Variants in KIF5B observed in about 807,000 individuals in gnomAD.
KIF5B encodes the protein kinesin-1 heavy chain.
In KIF5B, 49 loss-of-function variants were observed where a neutral mutation model predicts 132.8. That is an observed-to-expected ratio of 0.37 (90% CI 0.29 to 0.47). The LOEUF (loss-of-function observed/expected upper bound fraction) is 0.47. Ranked by LOEUF, KIF5B falls within the 20% of genes least tolerant of loss-of-function variation. KIF5B has a pLI of 1.00. For missense variants in KIF5B, 780 were observed against 1,144.0 expected (o/e 0.68, Z 4.59); for synonymous variants, 355 against 369.4 (o/e 0.96, Z 0.45).
At chr10:32,035,849 C>A in intron 9 of KIF5B, 41 bp downstream of exon 9, 1 of 1,473,698 alleles carries the variant, frequency 6.8e-7, no homozygotes, top group Non-Finnish European at 9.4e-7. Context: ...TTAAATAATG[C>A]CCCATAAGGT....
At chr10:32,032,959 T>C (rs1458847788) in intron 12 of KIF5B, among the ~76,000 whole-genome samples, 185 bp from the exon 13 acceptor site, 2 of 152,232 alleles carry the variant, frequency 1.3e-5, no homozygotes, top group Non-Finnish European at 2.9e-5. Context: ...CAATTATCAA[T>C]ACTTATAATG....
chr10:32,041,489 TAC>T lies in KIF5B; in HGVS notation c.215-1034_215-1033del, dbSNP rs145643541. ...AAAAAAAATCCTCTGCCAATTTACA[TAC>T]AGATGAGATTTTAGAAACAAGACTA... On this transcript the variant is annotated intron_variant, in intron 2 of 25. Coordinates refer to ENST00000302418, the MANE Select transcript of KIF5B (RefSeq NM_004521.3). Among the ~76,000 whole-genome samples the T allele has an allele frequency of 2.8e-3, 430 of 152,312 alleles. 4 individuals are homozygous for T. The highest frequency in any genetic ancestry group is 9.7e-3 in the African/African-American group (404 of 41,574).
intron 24 of KIF5B, among the ~76,000 whole-genome samples, chr10:32,016,851 T>TA (rs1841177038): frequency 6.6e-6 from 1 of 152,232 alleles, no homozygotes; most frequent in South Asian, 2.1e-4. Context: ...TGATTATTCT[T>TA]AAACGTTAAA....
chr10:32,016,144 T>C (rs1592436891), intron 24 of KIF5B, among the ~76,000 whole-genome samples: 1 of 151,716 alleles, frequency 6.6e-6, no homozygotes, highest in African/African-American at 2.4e-5. Context: ...CCCTGTGTCA[T>C]AAAAAACAAG....
At chr10:32,015,774 C>A in intron 24 of KIF5B, 115 bp from the exon 25 acceptor site, 1 of 830,582 alleles carries the variant, frequency 1.2e-6, no homozygotes, top group East Asian at 2.9e-5. Context: ...TTTTTCTTTG[C>A]CTTTTTGTTT....
rs369671066 is a variant in KIF5B, at chr10:32,022,121, A to C, written c.2032+19T>G. ...AAATAAGAACACAGATGTAACTCAT[A>C]AACAGTTGGAAGCTATACCTTGTGC... On this transcript the variant is annotated intron_variant, in intron 17 of 25. Coordinates refer to ENST00000302418, the MANE Select transcript of KIF5B (RefSeq NM_004521.3). 5.7e-6 allele frequency: 7 copies of C among 1,226,582 alleles called. No individual in the cohort carries two copies. Among genetic ancestry groups the C allele is most frequent in the African/African-American group, 4.5e-5 (3 of 66,126 alleles). 76.0% of individuals were successfully genotyped at this position (1,226,582 alleles called of 1,614,324 possible).
chr10:32,022,357 G>T, intron 16 of KIF5B, 100 bp from the exon 17 acceptor site: 3 of 625,098 alleles, frequency 4.8e-6, no homozygotes, highest in South Asian at 2.4e-5. Context: ...GATAAATTTG[G>T]GAATATTTAA....
At chr10:32,039,048 TTAGAA>T (rs1358141633) in intron 4 of KIF5B, among the ~76,000 whole-genome samples, 1 of 152,184 alleles carries the variant, frequency 6.6e-6, no homozygotes, top group African/African-American at 2.4e-5. Context: ...CTAAAATGAA[TTAGAA>T]TAGTTTTATG....
rs1443484130 is a variant in KIF5B at position 32,034,598 on chromosome 10, G to A, written c.1111+92C>T. On this transcript the variant is annotated intron_variant, in intron 11 of 25. Coordinates refer to ENST00000302418, the MANE Select transcript of KIF5B (RefSeq NM_004521.3). ...GATGTCTATTAAATTTCTTGATCTA[G>A]TCACTTACTGATTTTGCTGAACTAT... The A allele has an allele frequency of 1.0e-5, 9 of 876,476 alleles. No homozygotes were observed. The Admixed American group carries it at 2.9e-4, about 28-fold the overall frequency. 54.3% of individuals were successfully genotyped at this position (876,476 alleles called of 1,614,324 possible). A position where few individuals can be genotyped will look rare whatever the true frequency, so the allele number is the denominator to read the frequency against.
chr10:32,037,632 G>A, intron 6 of KIF5B, 25 bp from the exon 7 acceptor site: 1 of 1,521,552 alleles, frequency 6.6e-7, no homozygotes, highest in Non-Finnish European at 9.1e-7. Context: ...TTAAAAATAT[G>A]TTAATGTCTG....
chr10:32,021,827 C>G (rs1841267854), intron 17 of KIF5B, among the ~76,000 whole-genome samples: 1 of 151,984 alleles, frequency 6.6e-6, no homozygotes, highest in Non-Finnish European at 1.5e-5. Context: ...AAAAAATTAG[C>G]CAGGCGTGGG....
chr10:32,022,491 C>T (rs112894698), intron 16 of KIF5B, among the ~76,000 whole-genome samples: 1,889 of 152,226 alleles, frequency 0.012, 37 homozygotes, highest in African/African-American at 0.043. Context: ...TTTACAGATA[C>T]CACCATCTAA....
rs1240500382 is a variant in KIF5B at position 32,018,496 on chromosome 10, T to C, written c.2367+6A>G. On this transcript the variant is annotated splice_donor_region_variant and intron_variant, in intron 21 of 25. Transcript: ENST00000302418. ...CCAATCCTGTTTATTTTCATGTTTTTCTTACCACTGTCTCTTCCAAACCCT... is the reference window on the plus strand; with the variant it reads ...CCAATCCTGTTTATTTTCATGTTTTCCTTACCACTGTCTCTTCCAAACCCT... 2.5e-6 allele frequency: 4 copies of C among 1,611,858 alleles called. No individual in the cohort carries two copies. The highest frequency in any genetic ancestry group is 3.4e-6 in the Non-Finnish European group (4 of 1,178,940).
intron 2 of KIF5B, among the ~76,000 whole-genome samples, chr10:32,045,919 T>C (rs1841601928): frequency 6.6e-6 from 1 of 152,204 alleles, no homozygotes; most frequent in South Asian, 2.1e-4. Flanking sequence ...CCAACAATCT[T>C]ATTCATTTTA....
At chr10:32,030,937 GA>G (rs779419982) in intron 14 of KIF5B, 135 bp downstream of exon 14, 258 of 641,852 alleles carry the variant, frequency 4.0e-4, no homozygotes, top group Non-Finnish European at 6.3e-4. Flanking sequence ...AGAAAGAAAT[GA>G]AGTTGAAACC....
chr10:32,013,027 G>A (rs1487138469), intron 25 of KIF5B, among the ~76,000 whole-genome samples: 5 of 151,218 alleles, frequency 3.3e-5, no homozygotes, highest in Non-Finnish European at 7.4e-5. Flanking sequence ...CCAGCCTCCC[G>A]AGTAGCTGGG....
At chr10:32,042,158 C>A (rs1207003350) in intron 2 of KIF5B, among the ~76,000 whole-genome samples, 1 of 151,702 alleles carries the variant, frequency 6.6e-6, no homozygotes, top group Non-Finnish European at 1.5e-5. Context: ...GAAAAGTAAA[C>A]TAATAAGCAA....
chr10:32,048,896 C>T (rs1354524647), intron 1 of KIF5B, among the ~76,000 whole-genome samples: 4 of 152,088 alleles, frequency 2.6e-5, no homozygotes, highest in South Asian at 2.1e-4. Context: ...GAGACAGGGT[C>T]TCGGTTCTGT....
chr10:32,051,457 T>C (rs1393257327), intron 1 of KIF5B, among the ~76,000 whole-genome samples: 1 of 152,232 alleles, frequency 6.6e-6, no homozygotes, highest in Non-Finnish European at 1.5e-5. Flanking sequence ...ACAGTTTTAA[T>C]AGTAAAGCCT....
Sources: allele counts gnomAD v4.1 joint callset (sites outside exome capture counted in the v4.1 genomes callset), GRCh38; gene constraint gnomAD v4.1.1; transcripts MANE v1.5; gene names NCBI Gene and HGNC (gene_info 2026-07-23, HGNC 2026-07-21).